ZRANB3: variants seen among roughly 807,000 people sequenced by gnomAD.
ZRANB3 encodes the protein DNA annealing helicase and endonuclease ZRANB3.
A neutral mutation model predicts 133.8 loss-of-function variants in ZRANB3; 125 were observed. That is an observed-to-expected ratio of 0.93 (90% CI 0.81 to 1.08). The LOEUF (loss-of-function observed/expected upper bound fraction) is 1.08. Among genes scored for constraint, ZRANB3 ranks in the 50% least tolerant of loss-of-function variants. ZRANB3 has a pLI of 0.00. For synonymous variants in ZRANB3, 387 were observed against 432.7 expected (o/e 0.89, Z 1.31); for missense variants, 1,229 against 1,275.5 (o/e 0.96, Z 0.56).
intron 2 of ZRANB3, among the ~76,000 whole-genome samples, chr2:135,458,289 C>A (rs1191913817): frequency 6.6e-6 from 1 of 151,860 alleles, no homozygotes; most frequent in African/African-American, 2.4e-5. Flanking sequence ...ATTACTATAG[C>A]TATGTAGTAG....
intron 12 of ZRANB3, among the ~76,000 whole-genome samples, chr2:135,262,743 T>C (rs1680026026): frequency 6.6e-6 from 1 of 151,232 alleles, no homozygotes; most frequent in Admixed American, 6.6e-5. Context: ...ATCATGCCAC[T>C]GGACTCCAAC....
intron 6 of ZRANB3, among the ~76,000 whole-genome samples, chr2:135,341,477 T>C (rs1211417983): frequency 1.3e-5 from 2 of 150,044 alleles, no homozygotes; most frequent in Non-Finnish European, 2.9e-5. Context: ...ATGATTGCAT[T>C]ATCTGCACAA....
At chr2:135,273,860 G>A (rs781592622) in intron 9 of ZRANB3, among the ~76,000 whole-genome samples, 4 of 151,968 alleles carry the variant, frequency 2.6e-5, no homozygotes, top group African/African-American at 4.8e-5. Context: ...TTAACTCTTA[G>A]TAAAGCTAAA....
chr2:135,341,737 CG>C (rs781266639), intron 6 of ZRANB3, among the ~76,000 whole-genome samples: 2 of 149,796 alleles, frequency 1.3e-5, no homozygotes, highest in African/African-American at 5.1e-5. Flanking sequence ...CAGGGCAGGG[CG>C]GGGGGCCTCT....
At chr2:135,384,386 T>G (rs1344737966) in intron 3 of ZRANB3, among the ~76,000 whole-genome samples, 3 of 152,152 alleles carry the variant, frequency 2.0e-5, no homozygotes, top group Non-Finnish European at 4.4e-5. Context: ...CAGGACCACA[T>G]GGATTCACAG....
chr2:135,295,721 T>G (rs1028246103), intron 8 of ZRANB3, among the ~76,000 whole-genome samples: 22 of 152,200 alleles, frequency 1.4e-4, no homozygotes, highest in South Asian at 2.1e-4. Flanking sequence ...TGTACTGGTT[T>G]TTCCTTTCCA....
chr2:135,475,460 G>C (rs1487798239), intron 2 of ZRANB3, among the ~76,000 whole-genome samples: 1 of 152,072 alleles, frequency 6.6e-6, no homozygotes, highest in African/African-American at 2.4e-5. Flanking sequence ...TTTTGAACTG[G>C]GCATCATGTT....
chr2:135,322,711 A>G (rs1022671418), intron 6 of ZRANB3, among the ~76,000 whole-genome samples: 18 of 151,922 alleles, frequency 1.2e-4, no homozygotes, highest in African/African-American at 4.4e-4. Flanking sequence ...AAGCAAGATC[A>G]TGTCTCTTAA....
intron 2 of ZRANB3, among the ~76,000 whole-genome samples, chr2:135,444,312 G>A (rs2104996871): frequency 6.6e-6 from 1 of 152,098 alleles, no homozygotes; most frequent in East Asian, 1.9e-4. Flanking sequence ...ATCCAGAATT[G>A]CATGGGAATG....
intron 2 of ZRANB3, among the ~76,000 whole-genome samples, chr2:135,494,772 T>G (rs957129361): frequency 2.6e-5 from 4 of 152,076 alleles, no homozygotes; most frequent in African/African-American, 9.7e-5. Context: ...TAAAAATAAG[T>G]TGAGGCCAGT....
chr2:135,230,802 G>T lies in ZRANB3; in HGVS notation c.1665C>A (p.Asp555Glu), dbSNP rs773174023. The change falls in exon 13 of 21, where the codon GAC becomes GAA. Residue 555 changes from aspartate to glutamate, a missense_variant. By Grantham distance (45) the Asp-to-Glu change is conservative. Transcript: ENST00000264159. Reference protein sequence around the residue: ...FREENTVVSSDPTKTAARDII... With the variant: ...FREENTVVSSEPTKTAARDII... ...TATCTCTTGCAGCTGTTTTTGTAGG[G>T]TCTGATGACACTACAGTATTTTCCT... The T allele has an allele frequency of 6.2e-7, 1 of 1,613,808 alleles. No individual in the cohort carries two copies.
At chr2:135,319,117 G>T (rs1379590245) in intron 6 of ZRANB3, among the ~76,000 whole-genome samples, 5 of 152,148 alleles carry the variant, frequency 3.3e-5, no homozygotes, top group Non-Finnish European at 7.4e-5. Context: ...GACAGAATTG[G>T]CCAGTAAAGA....
At chr2:135,239,844 C>T (rs756405111) in intron 12 of ZRANB3, among the ~76,000 whole-genome samples, 4 of 151,870 alleles carry the variant, frequency 2.6e-5, no homozygotes, top group Non-Finnish European at 5.9e-5. Context: ...ATTAGCTGGG[C>T]GTGGTGGCAT....
chr2:135,459,784 C>G (rs1690684988), intron 2 of ZRANB3, among the ~76,000 whole-genome samples: 1 of 151,900 alleles, frequency 6.6e-6, no homozygotes, highest in Admixed American at 6.6e-5. Flanking sequence ...GGTACCAACT[C>G]TGAAAACAAC....
chr2:135,200,393 A>C lies in ZRANB3; in HGVS notation c.3189T>G (p.Ser1063=), dbSNP rs1336824207. The C allele has an allele frequency of 1.2e-6, 2 of 1,607,888 alleles. No homozygotes were observed. The highest frequency in any genetic ancestry group is 2.2e-5 in the East Asian group (1 of 44,806). Reference sequence around the variant, plus strand: ...TGTCTGATCCATGCTTTGATGCTAGAGATTGTCTTCTCACCTGGCTTCTTT... The same window carrying C: ...TGTCTGATCCATGCTTTGATGCTAGCGATTGTCTTCTCACCTGGCTTCTTT... The part of the protein sequence containing the change: ...AKERSQVRRQ[S]LASKHGSDIT... Residue 1063 remains serine, a synonymous_variant, in exon 21 of 21, where the codon TCT becomes TCG. Coordinates refer to ENST00000264159, the MANE Select transcript of ZRANB3 (RefSeq NM_032143.4).
chr2:135,491,537 A>C (rs916150142), intron 2 of ZRANB3, among the ~76,000 whole-genome samples: 1 of 150,364 alleles, frequency 6.7e-6, no homozygotes, highest in Non-Finnish European at 1.5e-5. Context: ...TTTTTGAGAT[A>C]TAGTCTCACT....
chr2:135,377,664 T>A (rs1418615803), intron 3 of ZRANB3, among the ~76,000 whole-genome samples: 2 of 152,202 alleles, frequency 1.3e-5, no homozygotes, highest in African/African-American at 2.4e-5. Flanking sequence ...TTAATATCCA[T>A]GAGTCCACAC....
At chr2:135,357,723 T>C (rs1001096370) in intron 3 of ZRANB3, among the ~76,000 whole-genome samples, 3 of 152,232 alleles carry the variant, frequency 2.0e-5, no homozygotes, top group Admixed American at 6.5e-5. Context: ...AAAAAATAAG[T>C]TATTTTAAAG....
chr2:135,277,793 C>T, intron 8 of ZRANB3, among the ~76,000 whole-genome samples: 1 of 151,860 alleles, frequency 6.6e-6, no homozygotes, highest in Admixed American at 6.6e-5. Context: ...GGTGTGGTAG[C>T]ACGTGCCTGT....
Sources: gnomAD v4.1 joint callset for allele counts (sites outside exome capture counted in the v4.1 genomes callset) on GRCh38, gnomAD v4.1.1 for gene constraint, MANE v1.5 for transcripts, NCBI Gene and HGNC (gene_info 2026-07-23, HGNC 2026-07-21) for gene names.